PPFIA1: variants seen among roughly 807,000 people sequenced by gnomAD.
The protein encoded by PPFIA1 is PPFI scaffold protein A1.
PPFIA1 carries 25 observed loss-of-function variants against 149.9 expected under a neutral mutation model. The observed-to-expected ratio is 0.17, with a 90% CI of 0.12 to 0.23. The LOEUF is 0.23. Ranked by LOEUF, PPFIA1 falls within the 10% of genes least tolerant of loss-of-function variation. The probability of loss-of-function intolerance (pLI) is 1.00; values close to 1 mark genes in which losing one functional copy is unlikely to be tolerated. For synonymous variants in PPFIA1, 549 were observed against 552.8 expected (o/e 0.99, Z 0.10); for missense variants, 1,362 against 1,506.5 (o/e 0.90, Z 1.59).
intron 16 of PPFIA1, chr11:70,349,881 T>C: frequency 2.2e-6 from 1 of 455,586 alleles, no homozygotes. Flanking sequence ...GCTTCCGTCA[T>C]TGGTTTTGAT....
intron 2 of PPFIA1, among the ~76,000 whole-genome samples, chr11:70,286,754 CTTTTTTTTT>C (rs957912008): frequency 2.4e-5 from 3 of 123,990 alleles, no homozygotes; most frequent in African/African-American, 6.0e-5. Context: ...TTCTTTCTTT[CTTTTTTTTT>C]TTTTTTTTTT....
At chr11:70,334,769 T>G (rs2054872286) in intron 10 of PPFIA1, 1 of 152,224 alleles carries the variant, frequency 6.6e-6, no homozygotes, top group Admixed American at 6.5e-5. Context: ...TCCTCCTGCC[T>G]GGGCAGCATG....
chr11:70,349,135 C>CAAAAAAAAA (rs749436919), intron 16 of PPFIA1, among the ~76,000 whole-genome samples: 1 of 74,610 alleles, frequency 1.3e-5, no homozygotes, highest in Non-Finnish European at 2.7e-5. Context: ...CATCTACTAC[C>CAAAAAAAAA]AAAAAAAAAA....
At chr11:70,280,336 A>T (rs1374966728) in intron 2 of PPFIA1, among the ~76,000 whole-genome samples, 6 of 151,968 alleles carry the variant, frequency 3.9e-5, no homozygotes, top group Non-Finnish European at 8.8e-5. Context: ...TGGGAGGCCA[A>T]GGTGGGTGAA....
In PPFIA1 at chr11:70,348,261, T is replaced by G; in HGVS notation, c.2004T>G (p.Ser668Arg). 1 of 1,614,150 alleles carries G rather than the reference T, an allele frequency of 6.2e-7. No individual in the cohort carries two copies. Among genetic ancestry groups the G allele is most frequent in the Non-Finnish European group, 8.5e-7 (1 of 1,180,018 alleles). The change falls in exon 16 of 28, where the codon AGT becomes AGG. Residue 668 changes from serine (S) to arginine (R), a missense_variant. Transcript: ENST00000253925. ...TTGAAAGTCGAGTTGGCAGTGGAAG[T>G]CTAGACAATCTTGGTCGTTTTAGAT... ...EEIESRVGSGSLDNLGRFRSM... is the reference protein window; with the variant it reads ...EEIESRVGSGRLDNLGRFRSM...
intron 2 of PPFIA1, among the ~76,000 whole-genome samples, chr11:70,287,199 A>C (rs1465453552): frequency 6.6e-6 from 1 of 151,920 alleles, no homozygotes; most frequent in Admixed American, 6.6e-5. Flanking sequence ...TTTGCTCAGA[A>C]CACTTGAGCT....
chr11:70,273,562 C>T (rs1462827601), intron 2 of PPFIA1, among the ~76,000 whole-genome samples: 4 of 152,262 alleles, frequency 2.6e-5, no homozygotes, highest in African/African-American at 9.6e-5. Context: ...GATGGGTCTG[C>T]AGTGATAAAT....
chr11:70,295,456 C>T (rs1177171234), intron 2 of PPFIA1, among the ~76,000 whole-genome samples: 1 of 137,848 alleles, frequency 7.3e-6, no homozygotes, highest in African/African-American at 2.8e-5. Flanking sequence ...TAGGGGCAGC[C>T]GGGCAGAGGC....
intron 2 of PPFIA1, among the ~76,000 whole-genome samples, chr11:70,299,304 T>C (rs907228142): frequency 1.3e-5 from 2 of 152,096 alleles, no homozygotes; most frequent in African/African-American, 4.8e-5. Flanking sequence ...AATAAAATGG[T>C]TTTCTTTTTC....
chr11:70,322,345 A>G (rs1267674495), intron 2 of PPFIA1, among the ~76,000 whole-genome samples: 8 of 152,154 alleles, frequency 5.3e-5, no homozygotes. Flanking sequence ...AGAGATGTAA[A>G]TCGGTATTTG....
intron 2 of PPFIA1, among the ~76,000 whole-genome samples, chr11:70,289,733 C>T (rs908225958): frequency 6.6e-6 from 1 of 152,162 alleles, no homozygotes; most frequent in Non-Finnish European, 1.5e-5. Context: ...CACGCCCCAG[C>T]TTTTTAAGTG....
intron 25 of PPFIA1, 141 bp from the exon 26 acceptor site, chr11:70,377,889 T>C: frequency 1.4e-6 from 1 of 700,378 alleles, no homozygotes; most frequent in Non-Finnish European, 2.4e-6. Flanking sequence ...CAATATATTG[T>C]GTGGTCATCA....
chr11:70,370,775 C>T (rs1591374270), intron 21 of PPFIA1, among the ~76,000 whole-genome samples: 1 of 152,196 alleles, frequency 6.6e-6, no homozygotes, highest in South Asian at 2.1e-4. Context: ...TTTGCTCTCA[C>T]GGTATTGTTT....
intron 2 of PPFIA1, among the ~76,000 whole-genome samples, chr11:70,321,584 CA>C (rs1431587314): frequency 1.3e-5 from 2 of 151,256 alleles, no homozygotes; most frequent in East Asian, 3.9e-4. Context: ...AGAAATTGCC[CA>C]AAAGGAAACA....
At chr11:70,323,212 T>TAAATGTTA (rs1277028697) in intron 2 of PPFIA1, among the ~76,000 whole-genome samples, 1 of 152,188 alleles carries the variant, frequency 6.6e-6, no homozygotes, top group Non-Finnish European at 1.5e-5. Flanking sequence ...GCCCAGGGTT[T>TAAATGTTA]AAATGTTAGT....
At chr11:70,317,118 C>A (rs1218407919) in intron 2 of PPFIA1, among the ~76,000 whole-genome samples, 2 of 152,076 alleles carry the variant, frequency 1.3e-5, no homozygotes, top group Non-Finnish European at 2.9e-5. Context: ...TCACTTTAAA[C>A]TAGTGATATA....
At chr11:70,343,920 C>T in intron 15 of PPFIA1, 28 bp downstream of exon 15, 2 of 1,572,160 alleles carry the variant, frequency 1.3e-6, no homozygotes, top group Non-Finnish European at 1.7e-6. Context: ...TGACACTCAC[C>T]ACACGCATGG....
intron 19 of PPFIA1, among the ~76,000 whole-genome samples, chr11:70,359,053 C>G (rs1421523110): frequency 6.6e-6 from 1 of 152,212 alleles, no homozygotes; most frequent in Non-Finnish European, 1.5e-5. Flanking sequence ...CAGCCACAGG[C>G]TCTATGCTGA....
chr11:70,347,641 G>A (rs953175932), intron 15 of PPFIA1, among the ~76,000 whole-genome samples: 7 of 152,166 alleles, frequency 4.6e-5, no homozygotes, highest in African/African-American at 1.7e-4. Context: ...AGGAGTTCGA[G>A]GCTGCAGTGA....
Sources: allele counts gnomAD v4.1 joint callset (sites outside exome capture counted in the v4.1 genomes callset), GRCh38; gene constraint gnomAD v4.1.1; transcripts MANE v1.5; gene names NCBI Gene and HGNC (gene_info 2026-07-23, HGNC 2026-07-21).